The following DPP10 variants were observed in gnomAD, a reference collection of about 807,000 sequenced individuals.
The protein encoded by DPP10 is inactive dipeptidyl peptidase 10.
DPP10 carries 33 observed loss-of-function variants against 120.9 expected under a neutral mutation model. The ratio of observed to expected loss-of-function variants is 0.27; its 90% confidence interval spans 0.21 to 0.37. The LOEUF (loss-of-function observed/expected upper bound fraction) is 0.37. DPP10 is among the 10% of genes least tolerant of loss of function. The pLI is 1.00. For missense variants in DPP10, 816 were observed against 942.8 expected, an observed-to-expected ratio of 0.87 and a Z score of 1.76; for synonymous variants, 337 against 326.1, an observed-to-expected ratio of 1.03 and a Z score of -0.36.
At chr2:115,382,845 C>G (rs531258532) in intron 3 of DPP10, among the ~76,000 whole-genome samples, 2 of 152,188 alleles carry the variant, frequency 1.3e-5, no homozygotes, top group African/African-American at 2.4e-5. Context: ...ACACAAAATG[C>G]TGAGGATGGA....
At chr2:114,643,379 C>T (rs191021974) in intron 1 of DPP10, among the ~76,000 whole-genome samples, 35 of 152,038 alleles carry the variant, frequency 2.3e-4, no homozygotes, top group Admixed American at 6.5e-4. Flanking sequence ...AACCCATGCA[C>T]ACTTAGTTTA....
intron 1 of DPP10, among the ~76,000 whole-genome samples, chr2:115,202,738 T>C (rs1264772313): frequency 6.6e-6 from 1 of 152,224 alleles, no homozygotes; most frequent in Non-Finnish European, 1.5e-5. Context: ...ATGTGGCTAA[T>C]GAGCACTGGA....
chr2:115,390,508 C>T (rs1346436590), intron 3 of DPP10, among the ~76,000 whole-genome samples: 3 of 151,906 alleles, frequency 2.0e-5, no homozygotes, highest in East Asian at 3.9e-4. Context: ...TTTTTTATTG[C>T]CCTTTTTGCT....
intron 3 of DPP10, among the ~76,000 whole-genome samples, chr2:115,447,299 C>G (rs539028913): frequency 6.6e-6 from 1 of 152,280 alleles, no homozygotes; most frequent in African/African-American, 2.4e-5. Flanking sequence ...AAGTAACTAA[C>G]TGGTTTTTGA....
chr2:115,581,183 T>C (rs1018283358), intron 5 of DPP10, among the ~76,000 whole-genome samples: 29 of 152,328 alleles, frequency 1.9e-4, no homozygotes, highest in African/African-American at 6.0e-4. Flanking sequence ...ACACACTTAA[T>C]GGCTCTGATT....
At chr2:115,608,546 T>A (rs2149243611) in intron 5 of DPP10, among the ~76,000 whole-genome samples, 1 of 152,228 alleles carries the variant, frequency 6.6e-6, no homozygotes, top group East Asian at 1.9e-4. Flanking sequence ...TTGTTCCAAA[T>A]AAAATGGGGA....
intron 3 of DPP10, among the ~76,000 whole-genome samples, chr2:115,472,993 T>C (rs187992717): frequency 2.0e-5 from 3 of 152,306 alleles, no homozygotes; most frequent in East Asian, 3.9e-4. Flanking sequence ...CAGTAGAATA[T>C]GCCAAGTTTC....
chr2:115,814,298 GTT>G (rs11367704), intron 19 of DPP10, among the ~76,000 whole-genome samples: 3 of 148,432 alleles, frequency 2.0e-5, no homozygotes, highest in African/African-American at 7.4e-5. Context: ...TACTAATGCA[GTT>G]TTTTTTTTAA....
chr2:114,475,503 GTTC>G (rs1298405403), intron 1 of DPP10, among the ~76,000 whole-genome samples: 1 of 151,976 alleles, frequency 6.6e-6, no homozygotes, highest in Non-Finnish European at 1.5e-5. Flanking sequence ...CTCTGTCTCT[GTTC>G]TTCTCTTTTC....
chr2:114,460,195 ATC>A, intron 1 of DPP10, among the ~76,000 whole-genome samples: 1 of 151,874 alleles, frequency 6.6e-6, no homozygotes, highest in African/African-American at 2.4e-5. Flanking sequence ...CTATCTATCT[ATC>A]TATCTATCTA....
At chr2:115,247,313 C>T (rs888960649) in intron 1 of DPP10, among the ~76,000 whole-genome samples, 3 of 152,080 alleles carry the variant, frequency 2.0e-5, no homozygotes, top group African/African-American at 4.8e-5. Flanking sequence ...GGTGTAAAAA[C>T]TAGATCATCC....
intron 5 of DPP10, among the ~76,000 whole-genome samples, chr2:115,551,478 A>T (rs183445531): frequency 6.6e-6 from 1 of 152,176 alleles, no homozygotes; most frequent in Non-Finnish European, 1.5e-5. Flanking sequence ...TCAAATTCTC[A>T]AAGCTGTTGA....
intron 1 of DPP10, among the ~76,000 whole-genome samples, chr2:114,944,592 A>C (rs1253078887): frequency 6.6e-6 from 1 of 152,176 alleles, no homozygotes; most frequent in Non-Finnish European, 1.5e-5. Context: ...TGTTTTACTA[A>C]AGGAAACTTT....
At chr2:115,489,383 A>G (rs1584403) in intron 3 of DPP10, among the ~76,000 whole-genome samples, 42,229 of 151,512 alleles carry the variant, frequency 0.28, 6,620 homozygotes, top group East Asian at 0.41. Context: ...GGACCCCAGA[A>G]AAACCTGAAA....
intron 13 of DPP10, among the ~76,000 whole-genome samples, chr2:115,776,434 G>A (rs1374050973): frequency 6.6e-6 from 1 of 152,062 alleles, no homozygotes; most frequent in African/African-American, 2.4e-5. Context: ...CCCTGCAAAG[G>A]ACATGAACTC....
At chr2:115,410,262 A>G (rs72840781) in intron 3 of DPP10, among the ~76,000 whole-genome samples, 3,606 of 152,346 alleles carry the variant, frequency 0.024, 70 homozygotes, top group Non-Finnish European at 0.038. Context: ...TGGATTAAGA[A>G]AACGTAATAC....
chr2:114,931,130 G>A (rs959077919), intron 1 of DPP10, among the ~76,000 whole-genome samples: 13 of 152,146 alleles, frequency 8.5e-5, no homozygotes, highest in Middle Eastern at 3.4e-3. Flanking sequence ...CCATCAACCC[G>A]TTCCAAAACC....
intron 1 of DPP10, among the ~76,000 whole-genome samples, chr2:114,682,212 C>T (rs1458225009): frequency 6.6e-6 from 1 of 151,934 alleles, no homozygotes; most frequent in Non-Finnish European, 1.5e-5. Flanking sequence ...AAGGGGAAGA[C>T]TCCTTCAGAA....
rs1044233909 is a variant in DPP10 at position 115,700,453 on chromosome 2, T to C, written c.576+10532T>C. On this transcript the variant is annotated intron_variant, in intron 7 of 25. Coordinates refer to ENST00000410059, the MANE Select transcript of DPP10 (RefSeq NM_020868.6). ...TACCTCAACATAATAAATGTCATCATGTATGCAAAATGAACGGTGATCATT... is the reference window on the plus strand; with the variant it reads ...TACCTCAACATAATAAATGTCATCACGTATGCAAAATGAACGGTGATCATT... Among the ~76,000 whole-genome samples the C allele has an allele frequency of 2.6e-5, 4 of 152,118 alleles. No individual in the cohort carries two copies. In the East Asian group the frequency reaches 7.7e-4, roughly 29 times the overall value.
Sources: gnomAD v4.1 joint callset for allele counts (sites outside exome capture counted in the v4.1 genomes callset) on GRCh38, gnomAD v4.1.1 for gene constraint, MANE v1.5 for transcripts, NCBI Gene and HGNC (gene_info 2026-07-23, HGNC 2026-07-21) for gene names.